The following ZNF503 variants were observed in gnomAD, a reference collection of about 807,000 sequenced individuals.
ZNF503 encodes NocA-like zinc finger 2.
Under a neutral mutation model 34.4 loss-of-function variants are expected in ZNF503, and 15 were observed. That is an observed-to-expected ratio of 0.44 (90% CI 0.29 to 0.67). ZNF503 has a LOEUF of 0.67. Ranked by LOEUF, ZNF503 falls within the 30% of genes least tolerant of loss-of-function variation. The pLI, the probability that ZNF503 is intolerant of heterozygous loss-of-function variation, is 0.13. For missense variants in ZNF503, 1,007 were observed against 926.8 expected (o/e 1.09, Z -1.12); for synonymous variants, 580 against 456.8 (o/e 1.27, Z -3.44).
chr10:75,320,142 A>C, the ZNF503 span, among the ~76,000 whole-genome samples: 2 of 152,246 alleles, frequency 1.3e-5, no homozygotes, highest in Non-Finnish European at 2.9e-5. Context: ...AGAAAACTAC[A>C]GACCAGTATT....
the ZNF503 span, among the ~76,000 whole-genome samples, chr10:75,311,411 T>C: frequency 2.6e-5 from 4 of 152,108 alleles, no homozygotes; most frequent in African/African-American, 9.7e-5. Flanking sequence ...TTCAATCCAA[T>C]CAAATTGACA....
At chr10:75,311,357 G>A in the ZNF503 span, among the ~76,000 whole-genome samples, 168 of 152,194 alleles carry the variant, frequency 1.1e-3, no homozygotes, top group African/African-American at 4.0e-3. Context: ...AATCTCCTTT[G>A]GCAACACCCT....
the ZNF503 span, among the ~76,000 whole-genome samples, chr10:75,376,369 C>T: frequency 6.6e-6 from 1 of 152,134 alleles, no homozygotes; most frequent in Admixed American, 6.5e-5. Flanking sequence ...TGAGACTGGG[C>T]ATGGTGGTTC....
chr10:75,400,519 C>G (rs977557032), intron 1 of ZNF503, 145 bp from the exon 2 acceptor site: 128 of 1,419,628 alleles, frequency 9.0e-5, no homozygotes, highest in South Asian at 3.2e-4. Flanking sequence ...TAGGCGGCAC[C>G]CCCTCTTCAA....
the ZNF503 span, among the ~76,000 whole-genome samples, chr10:75,356,448 C>T: frequency 0.011 from 1,723 of 152,308 alleles, 30 homozygotes; most frequent in African/African-American, 0.039. Context: ...ATCTCCTGAC[C>T]TCGTGATCCG....
the ZNF503 span, among the ~76,000 whole-genome samples, chr10:75,295,186 C>A: frequency 7.9e-5 from 12 of 151,678 alleles, no homozygotes; most frequent in Admixed American, 3.9e-4. The surrounding 1 kb of genome is among the most constrained non-coding windows in gnomAD (Gnocchi z 4.0). Flanking sequence ...GGGGGGCAGG[C>A]GGCACGGCGC....
the ZNF503 span, among the ~76,000 whole-genome samples, chr10:75,356,341 C>G: frequency 6.6e-6 from 1 of 152,276 alleles, no homozygotes; most frequent in East Asian, 1.9e-4. Flanking sequence ...CTCAGCCTCC[C>G]AAGTAGCTGG....
chr10:75,347,904 T>C, the ZNF503 span, among the ~76,000 whole-genome samples: 2 of 152,048 alleles, frequency 1.3e-5, no homozygotes, highest in East Asian at 3.9e-4. Flanking sequence ...TGAGATGGAG[T>C]CTTCCTCTGT....
chr10:75,369,025 A>G, the ZNF503 span, among the ~76,000 whole-genome samples: 1 of 152,252 alleles, frequency 6.6e-6, no homozygotes, highest in African/African-American at 2.4e-5. Flanking sequence ...GATACTATGC[A>G]AACATCAATA....
chr10:75,324,106 A>C, the ZNF503 span, among the ~76,000 whole-genome samples: 1 of 148,846 alleles, frequency 6.7e-6, no homozygotes, highest in South Asian at 2.1e-4. Flanking sequence ...ATTTTCTTGC[A>C]ATCTATGGTT....
the ZNF503 span, among the ~76,000 whole-genome samples, chr10:75,347,404 C>T: frequency 3.9e-5 from 6 of 152,350 alleles, no homozygotes; most frequent in East Asian, 9.7e-4. Context: ...GAGGAGAACG[C>T]GGAAGCCCGA....
chr10:75,399,440 G>A lies in ZNF503; in HGVS notation c.1250C>T (p.Ser417Phe). 1.9e-6 allele frequency: 3 copies of A among 1,594,698 alleles called. 1 individual carries two copies. Among genetic ancestry groups the A allele is most frequent in the South Asian group, 2.2e-5 (2 of 90,024 alleles). ...ACTGGCTGTCATCACGGACGGCGGA[G>A]ACGCTCCGGCCAAAGGGCTGGAGCC... Reference protein sequence around the residue: ...PAGSSPLAGASPPSVMTASLC... With the variant: ...PAGSSPLAGAFPPSVMTASLC... The change falls in exon 2 of 2, where the codon TCT (serine) becomes TTT (phenylalanine). Residue 417 changes from serine to phenylalanine, a missense_variant. By Grantham distance (155) the Ser-to-Phe change is radical. Transcript: ENST00000372524.
At chr10:75,390,882 G>A in the ZNF503 span, among the ~76,000 whole-genome samples, 1 of 152,146 alleles carries the variant, frequency 6.6e-6, no homozygotes, top group East Asian at 1.9e-4. Context: ...CAAGATCAAG[G>A]TGCTGGCTGA....
chr10:75,382,899 C>T, the ZNF503 span: 2 of 245,230 alleles, frequency 8.2e-6, no homozygotes, highest in Non-Finnish European at 1.7e-5. Flanking sequence ...GCTGGTGCCG[C>T]TGGTCCAGCT....
At chr10:75,319,102 G>A in the ZNF503 span, among the ~76,000 whole-genome samples, 1 of 152,234 alleles carries the variant, frequency 6.6e-6, no homozygotes, top group African/African-American at 2.4e-5. Context: ...TGGGACTACA[G>A]GTGTGCACTG....
chr10:75,348,221 C>A, the ZNF503 span, among the ~76,000 whole-genome samples: 1 of 151,188 alleles, frequency 6.6e-6, no homozygotes, highest in African/African-American at 2.4e-5. Flanking sequence ...TGCCACCACG[C>A]CTGGCTAATT....
chr10:75,287,742 C>T, the ZNF503 span, among the ~76,000 whole-genome samples: 6 of 152,210 alleles, frequency 3.9e-5, no homozygotes, highest in African/African-American at 1.2e-4. Context: ...TCATTCCCTC[C>T]GCCCAGCTTT....
At chr10:75,370,564 AG>A in the ZNF503 span, among the ~76,000 whole-genome samples, 69 of 152,168 alleles carry the variant, frequency 4.5e-4, no homozygotes, top group African/African-American at 1.6e-3. Flanking sequence ...ACGGATCATG[AG>A]GTCAGGAGTT....
chr10:75,397,437 C>T (rs1843714433), downstream of ZNF503, among the ~76,000 whole-genome samples: 1 of 152,190 alleles, frequency 6.6e-6, no homozygotes, highest in African/African-American at 2.4e-5. Context: ...CAGGCCCAGC[C>T]GGCGAGTCCC....
Sources: gnomAD v4.1 joint callset for allele counts (sites outside exome capture counted in the v4.1 genomes callset) on GRCh38, gnomAD v4.1.1 for gene constraint, Gnocchi (gnomAD v3.1) non-coding constraint, MANE v1.5 for transcripts, NCBI Gene and HGNC (gene_info 2026-07-23, HGNC 2026-07-21) for gene names.